Variants in HERC1 observed in about 807,000 individuals in gnomAD.
HERC1 encodes the protein probable E3 ubiquitin-protein ligase HERC1.
In HERC1, 160 loss-of-function variants were observed where a neutral mutation model predicts 554.3. That is an observed-to-expected ratio of 0.29 (90% confidence interval 0.25 to 0.33). The LOEUF is 0.33. HERC1 is among the 10% of genes least tolerant of loss of function. The pLI is 1.00. For missense variants in HERC1, 4,919 were observed against 5,918.5 expected (o/e 0.83, Z 5.54); for synonymous variants, 2,175 against 2,131.7 (o/e 1.02, Z -0.56).
chr15:63,737,215 A>G (rs961078326), intron 12 of HERC1, among the ~76,000 whole-genome samples: 1 of 150,976 alleles, frequency 6.6e-6, no homozygotes, highest in Non-Finnish European at 1.5e-5. Context: ...GGGGGAAAAG[A>G]TGGAAAACAG....
intron 36 of HERC1, among the ~76,000 whole-genome samples, chr15:63,678,733 G>A (rs1430507030): frequency 1.3e-5 from 2 of 152,040 alleles, no homozygotes; most frequent in Non-Finnish European, 2.9e-5. Context: ...GATGAGTCCT[G>A]GACATTTTAC....
chr15:63,637,948 C>T (rs2068857847), intron 63 of HERC1, among the ~76,000 whole-genome samples: 1 of 152,026 alleles, frequency 6.6e-6, no homozygotes, highest in Non-Finnish European at 1.5e-5. Context: ...AGCAGAAACT[C>T]GTACATAAGA....
intron 68 of HERC1, chr15:63,632,477 C>G: frequency 1.7e-6 from 1 of 582,412 alleles, no homozygotes; most frequent in Non-Finnish European, 3.1e-6. Context: ...AGGGACTCTT[C>G]TAGCAAGAGT....
chr15:63,773,988 A>G (rs2076036398), intron 2 of HERC1, among the ~76,000 whole-genome samples: 1 of 152,152 alleles, frequency 6.6e-6, no homozygotes, highest in South Asian at 2.1e-4. Flanking sequence ...ATAGTCAAAT[A>G]ATTAATTTCC....
At chr15:63,780,767 G>A (rs1366427836) in intron 1 of HERC1, among the ~76,000 whole-genome samples, 1 of 151,654 alleles carries the variant, frequency 6.6e-6, no homozygotes, top group Non-Finnish European at 1.5e-5. Context: ...CTGTAAGACC[G>A]AGCACAGCTA....
chr15:63,810,157 C>T (rs975308515), intron 1 of HERC1, among the ~76,000 whole-genome samples: 3 of 152,006 alleles, frequency 2.0e-5, no homozygotes, highest in Non-Finnish European at 2.9e-5. Context: ...GACCAAGCAC[C>T]CACATCAAAG....
At chr15:63,685,081 T>C (rs888109759) in intron 34 of HERC1, among the ~76,000 whole-genome samples, 6 of 152,254 alleles carry the variant, frequency 3.9e-5, no homozygotes, top group African/African-American at 1.4e-4. Context: ...TTCAAACTGA[T>C]TGCTGAGCTT....
Position 63,749,976 on chromosome 15 carries a change from T to C in HERC1, c.1903-185A>G, listed in dbSNP as rs188936353. On this transcript the variant is annotated intron_variant, in intron 8 of 77. Coordinates refer to ENST00000443617, the MANE Select transcript of HERC1 (RefSeq NM_003922.4). This position sits in a 1 kb window ranked among gnomAD's most constrained non-coding sequence, Gnocchi z 4.1. Reference sequence around the variant, plus strand: ...TATCATGCTGCCTTTAGGCATTCACTGTATAGGCAGAAAAACAGCTGATCT... The same window carrying C: ...TATCATGCTGCCTTTAGGCATTCACCGTATAGGCAGAAAAACAGCTGATCT... 6.6e-6 allele frequency among the ~76,000 whole-genome samples: 1 copy of C among 152,368 alleles called. No individual in the cohort carries two copies. Among genetic ancestry groups the C allele is most frequent in the East Asian group, 1.9e-4 (1 of 5,194 alleles).
intron 24 of HERC1, among the ~76,000 whole-genome samples, 172 bp downstream of exon 24, chr15:63,712,603 C>T (rs558062421): frequency 6.6e-6 from 1 of 152,270 alleles, no homozygotes; most frequent in South Asian, 2.1e-4. Context: ...AGATTGAAAC[C>T]ATTAACACAT....
intron 8 of HERC1, among the ~76,000 whole-genome samples, chr15:63,752,230 CT>C (rs2075273464): frequency 6.6e-6 from 1 of 152,144 alleles, no homozygotes; most frequent in African/African-American, 2.4e-5. Flanking sequence ...GCTCCTCTGC[CT>C]TGTCAATTAG....
intron 41 of HERC1, 56 bp from the exon 42 acceptor site, chr15:63,666,206 T>A: frequency 6.7e-7 from 1 of 1,482,008 alleles, no homozygotes; most frequent in Non-Finnish European, 9.2e-7. Flanking sequence ...TAGGTCTTTA[T>A]GTTATAAGAG....
rs372191034 is a variant in HERC1, at chr15:63,666,368, T to C, written c.8311A>G (p.Met2771Val). The change falls in exon 41 of 78, where the codon ATG (methionine) becomes GTG (valine). Residue 2771 changes from methionine (M) to valine (V), a missense_variant. Transcript: ENST00000443617. ...GFSLRQIAKAMEATGARGEAD... is the reference protein window; with the variant it reads ...GFSLRQIAKAVEATGARGEAD... ...AAACTTATCCTACCTGTAGCTTCCA[T>C]GGCTTTGGCAATCTGCCGAAGAGAG... 6.2e-6 allele frequency: 10 copies of C among 1,611,466 alleles called. No individual in the cohort carries two copies. The highest frequency in any genetic ancestry group is 8.5e-6 in the Non-Finnish European group (10 of 1,177,740).
chr15:63,779,023 A>G (rs1257298497), intron 1 of HERC1, among the ~76,000 whole-genome samples: 2 of 152,088 alleles, frequency 1.3e-5, no homozygotes, highest in African/African-American at 2.4e-5. Context: ...AGGCAAAATT[A>G]TCTCAGCAAT....
chr15:63,783,057 A>T (rs2076332340), intron 1 of HERC1, among the ~76,000 whole-genome samples: 1 of 152,230 alleles, frequency 6.6e-6, no homozygotes, highest in African/African-American at 2.4e-5. Flanking sequence ...AGATGCTGTG[A>T]ATATTACTGA....
At chr15:63,819,740 G>A (rs1222671416) in intron 1 of HERC1, among the ~76,000 whole-genome samples, 2 of 152,166 alleles carry the variant, frequency 1.3e-5, no homozygotes, top group Middle Eastern at 3.4e-3. Context: ...ACTTGGATGG[G>A]GTTTTCTATC....
intron 1 of HERC1, among the ~76,000 whole-genome samples, chr15:63,826,512 T>C (rs2077908755): frequency 2.0e-5 from 3 of 151,986 alleles, no homozygotes; most frequent in Admixed American, 2.0e-4. Flanking sequence ...ATTTCAGTTA[T>C]CCTCTGTTAA....
chr15:63,740,065 C>T (rs539149467), intron 12 of HERC1, among the ~76,000 whole-genome samples: 69 of 152,170 alleles, frequency 4.5e-4, no homozygotes, highest in Admixed American at 2.0e-3. Context: ...CATGCGCCAC[C>T]AGACTCAACT....
chr15:63,749,892 G>T lies in HERC1; in HGVS notation c.1903-101C>A. On this transcript the variant is annotated intron_variant, in intron 8 of 77. Transcript: ENST00000443617. This position sits in a 1 kb window ranked among gnomAD's most constrained non-coding sequence, Gnocchi z 4.1. ...TATGAAACTAAAGTGTGGTTTGATA[G>T]TAAATAACTTTCTGATGTTAAAATC... 1.1e-6 allele frequency: 1 copy of T among 945,792 alleles called. No homozygotes were observed. The highest frequency in any genetic ancestry group is 1.5e-6 in the Non-Finnish European group (1 of 666,322). 58.6% of individuals were successfully genotyped at this position (945,792 alleles called of 1,614,324 possible). A position where few individuals can be genotyped will look rare whatever the true frequency, so the allele number is the denominator to read the frequency against.
chr15:63,615,687 A>G (rs1392855699), intron 76 of HERC1, 81 bp downstream of exon 76: 2 of 1,048,866 alleles, frequency 1.9e-6, no homozygotes, highest in Non-Finnish European at 2.7e-6. Flanking sequence ...ACATATTAGC[A>G]GATTTTGGCA....
Sources: allele counts gnomAD v4.1 joint callset (sites outside exome capture counted in the v4.1 genomes callset), GRCh38; gene constraint gnomAD v4.1.1; non-coding constraint Gnocchi (gnomAD v3.1); transcripts MANE v1.5; gene names NCBI Gene and HGNC (gene_info 2026-07-23, HGNC 2026-07-21).